The following PPP1R16B variants were observed in gnomAD, a reference collection of about 807,000 sequenced individuals.
PPP1R16B encodes protein phosphatase 1 regulatory inhibitor subunit 16B.
In PPP1R16B, 14 loss-of-function variants were observed where a neutral mutation model predicts 61.7. The ratio of observed to expected loss-of-function variants is 0.23; its 90% CI spans 0.15 to 0.35. PPP1R16B has a LOEUF of 0.35. PPP1R16B is among the 10% of genes least tolerant of loss of function. The pLI is 1.00. For missense variants in PPP1R16B, 547 were observed against 752.5 expected (o/e 0.73, Z 3.19); for synonymous variants, 266 against 305.3 (o/e 0.87, Z 1.34).
At chr20:38,862,786 TG>T (rs2085061796) in intron 2 of PPP1R16B, among the ~76,000 whole-genome samples, 1 of 152,182 alleles carries the variant, frequency 6.6e-6, no homozygotes, top group African/African-American at 2.4e-5. Context: ...TTGGAGCTCT[TG>T]GGTTCCTTCC....
At chr20:38,808,816 T>G (rs965656004) in intron 1 of PPP1R16B, among the ~76,000 whole-genome samples, 11 of 152,076 alleles carry the variant, frequency 7.2e-5, no homozygotes, top group Admixed American at 6.5e-4. Flanking sequence ...GGAGGATCAC[T>G]AGACGTCAGG....
At chr20:38,915,230 A>C (rs2085524031) in intron 10 of PPP1R16B, among the ~76,000 whole-genome samples, 1 of 152,170 alleles carries the variant, frequency 6.6e-6, no homozygotes, top group South Asian at 2.1e-4. Flanking sequence ...CAAATGCATA[A>C]TGTCATGTGT....
intron 2 of PPP1R16B, among the ~76,000 whole-genome samples, chr20:38,874,853 T>C (rs559328288): frequency 6.6e-6 from 1 of 152,304 alleles, no homozygotes; most frequent in Admixed American, 6.5e-5. Context: ...TTAAACTCAC[T>C]GTGCCTCAGT....
At chr20:38,912,953 T>A (rs1423540459) in intron 10 of PPP1R16B, among the ~76,000 whole-genome samples, 1 of 152,216 alleles carries the variant, frequency 6.6e-6, no homozygotes, top group Non-Finnish European at 1.5e-5. Flanking sequence ...CACTATAGCC[T>A]CTGCCTCCCA....
In PPP1R16B at chr20:38,922,667, C is replaced by T. The variant is rs866164759; in HGVS notation, c.*4001C>T. The T allele has an allele frequency of 6.5e-6, 1 of 152,672 alleles. No homozygotes were observed. Among genetic ancestry groups the T allele is most frequent in the South Asian group, 2.1e-4 (1 of 4,834 alleles). The allele number at this position is 152,672 out of a possible 1,614,324, so 9.5% of individuals were successfully genotyped here. A position where few individuals can be genotyped will look rare whatever the true frequency, so the allele number is the denominator to read the frequency against. The stretch of plus-strand genomic sequence containing the variant: ...AGACCCCCAGCCCTCCGCAATAATT[C>T]ACCAGACCAGAAGCCACTGGTGTAC... On this transcript the variant is annotated 3_prime_UTR_variant, in exon 11 of 11. Coordinates refer to ENST00000299824, the MANE Select transcript of PPP1R16B (RefSeq NM_015568.4).
At chr20:38,912,912 T>C (rs940287366) in intron 10 of PPP1R16B, among the ~76,000 whole-genome samples, 3 of 152,168 alleles carry the variant, frequency 2.0e-5, no homozygotes, top group African/African-American at 7.2e-5. Flanking sequence ...TTGCCCAGGC[T>C]AGACTGGAGT....
At chr20:38,821,594 G>A (rs535177927) in intron 1 of PPP1R16B, among the ~76,000 whole-genome samples, 1 of 152,218 alleles carries the variant, frequency 6.6e-6, no homozygotes, top group East Asian at 1.9e-4. Flanking sequence ...GCTAAAAAAT[G>A]GTCATTGAAA....
intron 2 of PPP1R16B, among the ~76,000 whole-genome samples, chr20:38,864,627 G>A (rs1003210421): frequency 1.3e-5 from 2 of 152,108 alleles, no homozygotes; most frequent in Non-Finnish European, 2.9e-5. Flanking sequence ...ACCGTAAGCT[G>A]CCCCCCACTG....
intron 2 of PPP1R16B, among the ~76,000 whole-genome samples, chr20:38,865,712 T>C (rs2145740689): frequency 6.6e-6 from 1 of 152,328 alleles, no homozygotes; most frequent in South Asian, 2.1e-4. Flanking sequence ...AATGTTCCCA[T>C]GGCAGTAGGT....
At position 38,907,424 on chromosome 20, in the gene PPP1R16B, G is replaced by A. The variant is rs899061955; in HGVS notation, c.898+370G>A. ...TGGCTCAGTCAGCAATAGGTAGATAGATGGATGAAGGGGTTAGGTAGAATA... is the reference window on the plus strand; with the variant it reads ...TGGCTCAGTCAGCAATAGGTAGATAAATGGATGAAGGGGTTAGGTAGAATA... On this transcript the variant is annotated intron_variant, in intron 8 of 10. Transcript: ENST00000299824. The surrounding 1 kb of genome is among the most constrained non-coding windows in gnomAD (Gnocchi z 4.5). Among the ~76,000 whole-genome samples, 1 of 152,154 alleles carries A rather than the reference G, an allele frequency of 6.6e-6. No homozygotes were observed. The highest frequency in any genetic ancestry group is 2.4e-5 in the African/African-American group (1 of 41,424).
chr20:38,904,340 A>AT (rs1157779709), intron 6 of PPP1R16B, among the ~76,000 whole-genome samples: 2 of 152,228 alleles, frequency 1.3e-5, no homozygotes, highest in Non-Finnish European at 1.5e-5. Flanking sequence ...TGGGCTGGGC[A>AT]TATACTAGGT....
intron 10 of PPP1R16B, among the ~76,000 whole-genome samples, chr20:38,916,399 T>C (rs2085541130): frequency 6.7e-6 from 1 of 148,454 alleles, no homozygotes; most frequent in South Asian, 2.1e-4. Context: ...TATTTATATA[T>C]GTATGTTATA....
At position 38,920,823 on chromosome 20, in the gene PPP1R16B, G is replaced by C. The variant is rs1568690967; in HGVS notation, c.*2157G>C. On this transcript the variant is annotated 3_prime_UTR_variant, in exon 11 of 11. Coordinates refer to ENST00000299824, the MANE Select transcript of PPP1R16B (RefSeq NM_015568.4). The stretch of plus-strand genomic sequence containing the variant: ...TGGGCTCTTCAACATCTCAGGCTGT[G>C]GCTGGAACAGGACAGGATGATCTAA... 1 of 152,386 alleles carries C rather than the reference G, an allele frequency of 6.6e-6. No homozygotes were observed. Among genetic ancestry groups the C allele is most frequent in the Non-Finnish European group, 1.5e-5 (1 of 68,180 alleles). The allele number at this position is 152,386 out of a possible 1,614,324, so 9.4% of individuals were successfully genotyped here. A position where few individuals can be genotyped will look rare whatever the true frequency, so the allele number is the denominator to read the frequency against.
At chr20:38,826,410 C>G (rs2084805603) in intron 1 of PPP1R16B, among the ~76,000 whole-genome samples, 1 of 152,134 alleles carries the variant, frequency 6.6e-6, no homozygotes. Flanking sequence ...TGTTCCTGTC[C>G]CCTACGGCCT....
At chr20:38,855,939 T>G (rs181855275) in intron 2 of PPP1R16B, among the ~76,000 whole-genome samples, 5,431 of 30,552 alleles carry the variant, frequency 0.18, 367 homozygotes, top group Non-Finnish European at 0.22. Flanking sequence ...TATATATATA[T>G]ATATAGAGAG....
At chr20:38,894,608 T>A (rs1249983808) in intron 3 of PPP1R16B, among the ~76,000 whole-genome samples, 1 of 152,230 alleles carries the variant, frequency 6.6e-6, no homozygotes, top group African/African-American at 2.4e-5. Flanking sequence ...AGCCCTTATC[T>A]GGGTGGGCAG....
chr20:38,866,762 G>A (rs2085093496), intron 2 of PPP1R16B, among the ~76,000 whole-genome samples: 1 of 152,060 alleles, frequency 6.6e-6, no homozygotes, highest in Non-Finnish European at 1.5e-5. Context: ...TTTAAATTGA[G>A]GTAAAACTCA....
intron 10 of PPP1R16B, among the ~76,000 whole-genome samples, chr20:38,910,867 C>A (rs550525774): frequency 6.9e-4 from 105 of 151,992 alleles, no homozygotes; most frequent in Non-Finnish European, 1.5e-4. Context: ...TGGTGGCACG[C>A]GTCTGTAGTC....
At chr20:38,889,252 G>A (rs1309851309) in intron 2 of PPP1R16B, among the ~76,000 whole-genome samples, 1 of 152,198 alleles carries the variant, frequency 6.6e-6, no homozygotes, top group African/African-American at 2.4e-5. Flanking sequence ...GACCAAGGTT[G>A]CACAGCCAAT....
Sources: gnomAD v4.1 joint callset for allele counts (sites outside exome capture counted in the v4.1 genomes callset) on GRCh38, gnomAD v4.1.1 for gene constraint, Gnocchi (gnomAD v3.1) non-coding constraint, MANE v1.5 for transcripts, NCBI Gene and HGNC (gene_info 2026-07-23, HGNC 2026-07-21) for gene names.